Variants in CLSTN2 observed in about 807,000 individuals in gnomAD.
CLSTN2 encodes calsyntenin-2.
CLSTN2 carries 48 observed loss-of-function variants against 101.2 expected under a neutral mutation model. That is an observed-to-expected ratio of 0.47 (90% CI 0.38 to 0.60). CLSTN2 has a LOEUF of 0.60. CLSTN2 is among the 20% of genes least tolerant of loss of function. The probability of loss-of-function intolerance (pLI) is 0.00; values close to 1 mark genes in which losing one functional copy is unlikely to be tolerated. For synonymous variants in CLSTN2, 481 were observed against 463.6 expected (o/e 1.04, Z -0.48); for missense variants, 1,160 against 1,238.2 (o/e 0.94, Z 0.95).
chr3:139,975,611 T>G (rs1935803417), intron 1 of CLSTN2, among the ~76,000 whole-genome samples: 1 of 152,098 alleles, frequency 6.6e-6, no homozygotes, highest in African/African-American at 2.4e-5. Flanking sequence ...CAGACACATG[T>G]GAAGATAGGA....
chr3:140,425,163 C>T (rs563200119), intron 5 of CLSTN2, among the ~76,000 whole-genome samples: 1 of 152,212 alleles, frequency 6.6e-6, no homozygotes, highest in Non-Finnish European at 1.5e-5. Flanking sequence ...CACGCAAGAG[C>T]TCCCACCTCC....
Position 140,448,651 on chromosome 3 carries a change from G to T in CLSTN2, c.920G>T (p.Gly307Val). ...ACAGAGCTGCAGACTAATTACATTG[G>T]GAAGGGTTGTGACCGGGAGACCTAC... The part of the protein sequence containing the change: ...IVTELQTNYI[G>V]KGCDRETYSE... Residue 307 changes from glycine (G) to valine (V), a missense_variant, in exon 6 of 17, where the codon GGG (glycine) becomes GTG (valine). Coordinates refer to ENST00000458420, the MANE Select transcript of CLSTN2 (RefSeq NM_022131.3). 1 of 1,614,060 alleles carries T rather than the reference G, an allele frequency of 6.2e-7. No homozygotes were observed. Among genetic ancestry groups the T allele is most frequent in the Non-Finnish European group, 8.5e-7 (1 of 1,179,966 alleles).
chr3:140,523,266 T>C (rs1935072057), intron 8 of CLSTN2, among the ~76,000 whole-genome samples: 1 of 152,196 alleles, frequency 6.6e-6, no homozygotes, highest in Non-Finnish European at 1.5e-5. Context: ...CCTTTGAAGC[T>C]TCAGGCTTTA....
chr3:140,326,243 T>A (rs933714351), intron 2 of CLSTN2, among the ~76,000 whole-genome samples: 5 of 152,200 alleles, frequency 3.3e-5, no homozygotes, highest in African/African-American at 9.7e-5. Flanking sequence ...AGGGGATAAA[T>A]CTTCATGTCC....
At chr3:140,158,766 T>G (rs2009998846) in intron 1 of CLSTN2, among the ~76,000 whole-genome samples, 1 of 152,116 alleles carries the variant, frequency 6.6e-6, no homozygotes, top group Non-Finnish European at 1.5e-5. Context: ...TCACACTCCC[T>G]GATTTCAAAC....
At chr3:140,064,322 T>C (rs1409502860) in intron 1 of CLSTN2, among the ~76,000 whole-genome samples, 1 of 152,250 alleles carries the variant, frequency 6.6e-6, no homozygotes, top group Non-Finnish European at 1.5e-5. Flanking sequence ...GTTTCATTGC[T>C]AATTATCACT....
intron 8 of CLSTN2, among the ~76,000 whole-genome samples, chr3:140,504,900 G>C (rs1934656266): frequency 6.6e-6 from 1 of 152,076 alleles, no homozygotes; most frequent in African/African-American, 2.4e-5. Context: ...TCAGTTTCCA[G>C]AGCTTTATAT....
At chr3:140,335,542 C>T (rs936061816) in intron 2 of CLSTN2, among the ~76,000 whole-genome samples, 7 of 151,904 alleles carry the variant, frequency 4.6e-5, no homozygotes, top group African/African-American at 1.5e-4. Context: ...GTTCTGGGGC[C>T]CTCCCCTCCT....
intron 1 of CLSTN2, among the ~76,000 whole-genome samples, chr3:140,014,129 T>A (rs2007147681): frequency 6.6e-6 from 1 of 152,236 alleles, no homozygotes; most frequent in African/African-American, 2.4e-5. Context: ...GCACTGAGAC[T>A]AGGTCAGTGT....
intron 1 of CLSTN2, among the ~76,000 whole-genome samples, chr3:140,107,112 G>A (rs757385081): frequency 5.7e-4 from 87 of 152,164 alleles, no homozygotes; most frequent in Non-Finnish European, 1.1e-3. Context: ...AGACATGAAT[G>A]GACTAGAGGG....
intron 1 of CLSTN2, among the ~76,000 whole-genome samples, chr3:140,160,600 A>G (rs976746763): frequency 2.6e-5 from 4 of 151,900 alleles, no homozygotes; most frequent in African/African-American, 9.7e-5. Flanking sequence ...GATTTCTTTT[A>G]TCTACAGTGT....
intron 9 of CLSTN2, among the ~76,000 whole-genome samples, chr3:140,543,462 C>T (rs1286550204): frequency 1.3e-5 from 2 of 152,206 alleles, no homozygotes; most frequent in African/African-American, 4.8e-5. Context: ...GAAACTTATC[C>T]TTTATTTCCA....
At chr3:140,543,216 G>A (rs966169054) in intron 9 of CLSTN2, among the ~76,000 whole-genome samples, 2 of 152,174 alleles carry the variant, frequency 1.3e-5, no homozygotes, top group Non-Finnish European at 2.9e-5. Flanking sequence ...ATGCCCTGGA[G>A]AGGAGCAGCT....
chr3:140,321,617 A>G (rs990742975), intron 2 of CLSTN2, among the ~76,000 whole-genome samples: 6 of 152,094 alleles, frequency 3.9e-5, no homozygotes, highest in Non-Finnish European at 5.9e-5. Context: ...CAGTGAGGAT[A>G]AGGGCAGGGA....
At chr3:139,949,269 A>G (rs564075209) in intron 1 of CLSTN2, among the ~76,000 whole-genome samples, 69 of 152,144 alleles carry the variant, frequency 4.5e-4, no homozygotes, top group Non-Finnish European at 9.0e-4. Context: ...GCTATGGATG[A>G]AGTAGGTGGA....
chr3:140,546,371 T>G, intron 9 of CLSTN2, 144 bp from the exon 10 acceptor site: 1 of 739,894 alleles, frequency 1.4e-6, no homozygotes, highest in South Asian at 1.9e-5. Flanking sequence ...AGATTCTGGC[T>G]ACTGTGTTCA....
chr3:140,052,941 C>T (rs2008025663), intron 1 of CLSTN2, among the ~76,000 whole-genome samples: 2 of 152,184 alleles, frequency 1.3e-5, no homozygotes, highest in Admixed American at 6.5e-5. Context: ...TTGTTTCTCC[C>T]CCATGCAGGG....
intron 1 of CLSTN2, among the ~76,000 whole-genome samples, chr3:140,042,785 G>T (rs1343851308): frequency 6.6e-6 from 1 of 152,080 alleles, no homozygotes; most frequent in African/African-American, 2.4e-5. Context: ...TTGGTTTTCT[G>T]TCCTTGTGAT....
chr3:140,162,468 C>A (rs1282922596), intron 1 of CLSTN2, among the ~76,000 whole-genome samples: 1 of 152,122 alleles, frequency 6.6e-6, no homozygotes, highest in Non-Finnish European at 1.5e-5. Context: ...GTCAGAGCCC[C>A]TGTCAGTGGT....
Sources: allele counts gnomAD v4.1 joint callset (sites outside exome capture counted in the v4.1 genomes callset), GRCh38; gene constraint gnomAD v4.1.1; transcripts MANE v1.5; gene names NCBI Gene and HGNC (gene_info 2026-07-23, HGNC 2026-07-21).